DOK7: variants seen among roughly 807,000 people sequenced by gnomAD.
DOK7 encodes the protein docking protein 7.
A neutral mutation model predicts 30.7 loss-of-function variants in DOK7; 32 were observed. That is an observed-to-expected ratio of 1.04 (90% CI 0.79 to 1.40). DOK7 has a LOEUF of 1.40. Among genes scored for constraint, DOK7 ranks in the 40% most tolerant of loss-of-function variants. The pLI is 0.00. For synonymous variants in DOK7, 447 were observed against 324.1 expected, an observed-to-expected ratio of 1.38 and a Z score of -4.07; for missense variants, 1,007 against 699.2, an observed-to-expected ratio of 1.44 and a Z score of -4.97.
chr4:3,464,480 G>T (rs1389435283), intron 2 of DOK7, among the ~76,000 whole-genome samples: 1 of 152,206 alleles, frequency 6.6e-6, no homozygotes, highest in Non-Finnish European at 1.5e-5. Flanking sequence ...CTGGAGCTGT[G>T]GGGGCACCGA....
At chr4:3,464,452 C>T (rs115653313) in intron 2 of DOK7, among the ~76,000 whole-genome samples, 108 of 152,340 alleles carry the variant, frequency 7.1e-4, no homozygotes, top group African/African-American at 2.4e-3. Context: ...CTCAGCCCTC[C>T]GTGCCCAGAC....
exon 8 of DOK7, chr4:3,500,966 C>T (rs550705019): frequency 1.5e-6 from 2 of 1,326,284 alleles, no homozygotes; most frequent in Admixed American, 5.9e-5. Context: ...GGTCTCCGGG[C>T]CATGGTGCAA....
downstream of DOK7, among the ~76,000 whole-genome samples, chr4:3,496,365 C>A (rs1728913254): frequency 6.6e-6 from 1 of 152,268 alleles, no homozygotes; most frequent in South Asian, 2.1e-4. Context: ...CTGCAGAGAG[C>A]AGGGCCCACA....
chr4:3,489,562 G>A, intron 5 of DOK7, 115 bp from the exon 6 acceptor site: 1 of 1,514,892 alleles, frequency 6.6e-7, no homozygotes, highest in South Asian at 1.2e-5. Context: ...GGGACTCCCA[G>A]GGGACTGCCA....
rs751223916 is a variant in DOK7, at chr4:3,493,475, G to A, written c.1489G>A (p.Gly497Arg). 9.3e-6 allele frequency: 15 copies of A among 1,611,038 alleles called. No homozygotes were observed. Among genetic ancestry groups the A allele is most frequent in the Non-Finnish European group, 4.2e-6 (5 of 1,179,354 alleles). ...AFFSACPVCG[G>R]LKVNPPP ...CTTTTCGGCATGTCCAGTCTGTGGA[G>A]GACTCAAGGTAAACCCCCCTCCTTG... Residue 497 changes from glycine (G) to arginine (R), a missense_variant, in exon 7 of 7, where the codon GGA becomes AGA. Coordinates refer to ENST00000340083, the MANE Select transcript of DOK7 (RefSeq NM_173660.5).
In DOK7 at chr4:3,493,059, G is replaced by A. The variant is rs760954623; in HGVS notation, c.1073G>A (p.Ser358Asn). 3.2e-6 allele frequency: 5 copies of A among 1,575,170 alleles called. No individual in the cohort carries two copies. In the South Asian group the frequency reaches 3.4e-5, roughly 11 times the overall value. Reference protein sequence around the residue: ...YSSSLSSYAGSSLDVWRATDE... With the variant: ...YSSSLSSYAGNSLDVWRATDE... ...AGCAGCCTCTCGTCCTACGCGGGCA[G>A]CAGCCTGGACGTGTGGCGGGCCACA... The change falls in exon 7 of 7, where the codon AGC (serine) becomes AAC (asparagine). Residue 358 changes from serine (S) to asparagine (N), a missense_variant. Transcript: ENST00000340083.
At chr4:3,477,989 G>A (rs996211410) in intron 4 of DOK7, among the ~76,000 whole-genome samples, 1 of 152,172 alleles carries the variant, frequency 6.6e-6, no homozygotes, top group Non-Finnish European at 1.5e-5. Flanking sequence ...GGTGGGCCCA[G>A]CGTCCCTGTC....
rs1728700671 is a variant in DOK7, at chr4:3,493,630, AG to A, written c.*133del. 1 of 1,490,650 alleles carries A rather than the reference AG, an allele frequency of 6.7e-7. No homozygotes were observed. Among genetic ancestry groups the A allele is most frequent in the Non-Finnish European group, 8.9e-7 (1 of 1,117,634 alleles). The allele number at this position is 1,490,650 out of a possible 1,614,324, so 92.3% of individuals were successfully genotyped here. The stretch of plus-strand genomic sequence containing the variant: ...GGGAGGGACCGGGGGTCTCCCGGAG[AG>A]GGGAGCTGGAGGGCGCGCCCTGTGG... On this transcript the variant is annotated 3_prime_UTR_variant, in exon 7 of 7. Coordinates refer to ENST00000340083, the MANE Select transcript of DOK7 (RefSeq NM_173660.5).
chr4:3,496,886 C>T (rs1212599226), downstream of DOK7: 4 of 1,498,606 alleles, frequency 2.7e-6, no homozygotes, highest in African/African-American at 1.4e-5. Context: ...GCCAGTCCCC[C>T]AGAGCTCGGG....
Position 3,473,534 on chromosome 4 carries a change from A to G in DOK7, c.229A>G (p.Thr77Ala), listed in dbSNP as rs759395609. 6.5e-5 allele frequency: 104 copies of G among 1,610,828 alleles called. 1 individual carries two copies. The highest frequency in any genetic ancestry group is 8.3e-5 in the Non-Finnish European group (98 of 1,179,696). ...PGLPYEGLVH[T>A]LAIVCLSQAI... ...CCTGCCCTACGAGGGCCTGGTCCAC[A>G]CGCTGGCCATTGTCTGCCTGTCCCA... is the stretch of plus-strand genomic sequence containing the variant. The change falls in exon 3 of 7, where the codon ACG becomes GCG. Residue 77 changes from threonine to alanine, a missense_variant. Transcript: ENST00000340083.
At chr4:3,469,136 CGTGTAT>C (rs1442595994) in intron 2 of DOK7, among the ~76,000 whole-genome samples, 1 of 140,824 alleles carries the variant, frequency 7.1e-6, no homozygotes, top group Non-Finnish European at 1.5e-5. Flanking sequence ...TGTGTGTGTG[CGTGTAT>C]GTGTCTGTGT....
chr4:3,497,408 GGAGGGC>G (rs1728972718), downstream of DOK7, among the ~76,000 whole-genome samples: 1 of 152,036 alleles, frequency 6.6e-6, no homozygotes, highest in African/African-American at 2.4e-5. Flanking sequence ...AGGTTGGGAG[GGAGGGC>G]CAGGCAGGGA....
At chr4:3,495,177 G>T (rs1728836074), downstream of DOK7, among the ~76,000 whole-genome samples, 2 of 152,234 alleles carry the variant, frequency 1.3e-5, no homozygotes, top group South Asian at 2.1e-4. Context: ...TGCACTGAGG[G>T]TCTGATGAGG....
chr4:3,493,727 C>T lies in DOK7; in HGVS notation c.*226C>T, dbSNP rs1347690377. ...GGCAGGGGCTCTGGGTCCGGCAGGT[C>T]GGGGTCACCAGAGCCCCAATGCTCA... On this transcript the variant is annotated 3_prime_UTR_variant, in exon 7 of 7. Transcript: ENST00000340083. 47 of 1,422,548 alleles carry T rather than the reference C, an allele frequency of 3.3e-5. No individual in the cohort carries two copies. The highest frequency in any genetic ancestry group is 7.7e-5 in the East Asian group (3 of 38,936). 88.1% of individuals were successfully genotyped at this position (1,422,548 alleles called of 1,614,324 possible).
intron 5 of DOK7, among the ~76,000 whole-genome samples, chr4:3,489,087 A>C (rs1409722871): frequency 2.0e-5 from 3 of 152,282 alleles, no homozygotes; most frequent in South Asian, 2.1e-4. Context: ...TGAATAGAGA[A>C]GGCGAGGCTG....
intron 2 of DOK7, among the ~76,000 whole-genome samples, chr4:3,464,611 C>T (rs1268561169): frequency 6.6e-6 from 1 of 152,154 alleles, no homozygotes; most frequent in Non-Finnish European, 1.5e-5. Context: ...CTTTAGTCAG[C>T]TGTGGCTGGG....
chr4:3,468,923 A>G (rs1198105171), intron 2 of DOK7, among the ~76,000 whole-genome samples: 47 of 115,918 alleles, frequency 4.1e-4, no homozygotes, highest in Admixed American at 6.9e-4. Context: ...GTATGTGTGT[A>G]TGAGTGTGCG....
intron 5 of DOK7, among the ~76,000 whole-genome samples, chr4:3,488,944 C>G (rs376253587): frequency 2.0e-5 from 3 of 152,172 alleles, no homozygotes; most frequent in Non-Finnish European, 4.4e-5. Context: ...CCAGCATGGG[C>G]GGGGGCTTGG....
intron 5 of DOK7, among the ~76,000 whole-genome samples, chr4:3,487,016 C>T (rs548508484): frequency 3.3e-5 from 5 of 152,260 alleles, no homozygotes; most frequent in South Asian, 4.1e-4. Context: ...CAGGCTCCAC[C>T]GCAGGCAGCA....
Sources: allele counts gnomAD v4.1 joint callset (sites outside exome capture counted in the v4.1 genomes callset), GRCh38; gene constraint gnomAD v4.1.1; transcripts MANE v1.5; gene names NCBI Gene and HGNC (gene_info 2026-07-23, HGNC 2026-07-21).